Variants in MLIP observed in about 807,000 individuals in gnomAD.
MLIP encodes muscular LMNA-interacting protein.
Under a neutral mutation model 84.8 loss-of-function variants are expected in MLIP, and 79 were observed. The ratio of observed to expected loss-of-function variants is 0.93; its 90% confidence interval spans 0.78 to 1.12. The LOEUF (loss-of-function observed/expected upper bound fraction) is 1.12, where lower values mean the gene tolerates loss of function less well. Among genes scored for constraint, MLIP ranks in the 50% most tolerant of loss-of-function variants. MLIP has a pLI of 0.00. For missense variants in MLIP, 1,257 were observed against 1,160.6 expected (o/e 1.08, Z -1.21); for synonymous variants, 504 against 463.0 (o/e 1.09, Z -1.14).
intron 11 of MLIP, among the ~76,000 whole-genome samples, chr6:54,227,529 C>T (rs746516548): frequency 4.6e-5 from 7 of 152,170 alleles, no homozygotes; most frequent in Middle Eastern, 3.2e-3. Context: ...CACGCCAAAG[C>T]GCATACTGGG....
At position 54,218,815 on chromosome 6, in the gene MLIP, C is replaced by T. The variant is rs573210830; in HGVS notation, c.2719-11899C>T. Among the ~76,000 whole-genome samples the T allele has an allele frequency of 2.0e-5, 3 of 152,046 alleles. No homozygotes were observed. The East Asian group carries it at 5.8e-4, about 30-fold the overall frequency. On this transcript the variant is annotated intron_variant, in intron 11 of 13. Transcript: ENST00000502396. ...ACAGGTGTGAGCCACCACAACTGGCCACATTTTCTTTTTTCAATAATAACC... is the reference window on the plus strand; with the variant it reads ...ACAGGTGTGAGCCACCACAACTGGCTACATTTTCTTTTTTCAATAATAACC...
chr6:54,021,524 A>G (rs1426423199), intron 1 of MLIP, among the ~76,000 whole-genome samples: 1 of 152,196 alleles, frequency 6.6e-6, no homozygotes, highest in Non-Finnish European at 1.5e-5. Flanking sequence ...TCATCAGTTT[A>G]TTACACACAA....
chr6:54,246,071 G>A (rs1002742003), intron 12 of MLIP, among the ~76,000 whole-genome samples: 12 of 152,164 alleles, frequency 7.9e-5, no homozygotes, highest in East Asian at 5.8e-4. Context: ...ATACTCATTC[G>A]CCTTCATATA....
At chr6:54,073,346 A>G (rs1271532383) in intron 1 of MLIP, among the ~76,000 whole-genome samples, 1 of 152,210 alleles carries the variant, frequency 6.6e-6, no homozygotes, top group East Asian at 1.9e-4. Flanking sequence ...AAGTTTACAC[A>G]TTGAATTGGC....
chr6:54,149,267 T>C, intron 5 of MLIP, 140 bp downstream of exon 5: 1 of 758,838 alleles, frequency 1.3e-6, no homozygotes, highest in Non-Finnish European at 2.1e-6. Flanking sequence ...TTTAGGATGA[T>C]GTGGTGAAAA....
intron 10 of MLIP, among the ~76,000 whole-genome samples, chr6:54,199,009 T>C (rs1003021983): frequency 6.6e-6 from 1 of 152,016 alleles, no homozygotes; most frequent in African/African-American, 2.4e-5. Context: ...TGAGAATATT[T>C]AGGATGGCTA....
chr6:54,027,865 C>T (rs768274546), intron 1 of MLIP, among the ~76,000 whole-genome samples: 3 of 152,072 alleles, frequency 2.0e-5, no homozygotes, highest in South Asian at 2.1e-4. Flanking sequence ...TGTGTGATGG[C>T]GAATAACAGA....
chr6:54,260,556 A>T (rs547810742), intron 13 of MLIP, among the ~76,000 whole-genome samples: 1 of 152,114 alleles, frequency 6.6e-6, no homozygotes, highest in African/African-American at 2.4e-5. Flanking sequence ...AGGCCAATCA[A>T]ATAAATCCAT....
intron 1 of MLIP, among the ~76,000 whole-genome samples, chr6:54,057,479 G>C (rs1765727494): frequency 6.6e-6 from 1 of 152,184 alleles, no homozygotes; most frequent in Non-Finnish European, 1.5e-5. Flanking sequence ...CTTATAAAAT[G>C]CTTGCATATT....
At chr6:54,040,927 GGAA>G (rs1764706405) in intron 1 of MLIP, 2 of 152,148 alleles carry the variant, frequency 1.3e-5, no homozygotes, top group Admixed American at 1.3e-4. Flanking sequence ...GTGGGAGAGA[GGAA>G]GAAGGTCAAG....
chr6:54,058,160 T>C (rs899252397), intron 1 of MLIP, among the ~76,000 whole-genome samples: 17 of 149,786 alleles, frequency 1.1e-4, no homozygotes, highest in African/African-American at 3.5e-4. Flanking sequence ...AAAAAAAACA[T>C]GTAGGATAAC....
intron 1 of MLIP, among the ~76,000 whole-genome samples, chr6:54,119,689 G>T (rs1486323634): frequency 6.6e-6 from 1 of 152,114 alleles, no homozygotes; most frequent in Non-Finnish European, 1.5e-5. Flanking sequence ...GATAATAGAT[G>T]TTAAGTGTTC....
At chr6:54,254,742 C>CCCTCCCTTCCTTCCTTCCTTCCTT (rs1554195171) in intron 12 of MLIP, among the ~76,000 whole-genome samples, 8 of 125,024 alleles carry the variant, frequency 6.4e-5, no homozygotes, top group African/African-American at 9.9e-5. Flanking sequence ...TTTTCTCCCT[C>CCCTCCCTTCCTTCCTTCCTTCCTT]CCTTCCTTCC....
At chr6:54,054,540 C>T (rs1479510638) in intron 1 of MLIP, among the ~76,000 whole-genome samples, 7 of 151,680 alleles carry the variant, frequency 4.6e-5, no homozygotes, top group Non-Finnish European at 7.4e-5. Flanking sequence ...TTTTGCAATT[C>T]ACTGAATTTT....
upstream of MLIP, among the ~76,000 whole-genome samples, chr6:54,108,719 CAAG>C (rs1482604834): frequency 6.6e-6 from 1 of 152,038 alleles, no homozygotes; most frequent in African/African-American, 2.4e-5. Context: ...TAAAATGACT[CAAG>C]AAAGAATCTG....
At chr6:54,252,460 CAT>C (rs1309980728) in intron 12 of MLIP, among the ~76,000 whole-genome samples, 5 of 106,692 alleles carry the variant, frequency 4.7e-5, no homozygotes, top group African/African-American at 1.7e-4. Flanking sequence ...TATATTATAA[CAT>C]ATAATATAAA....
chr6:54,026,144 T>C (rs970355877), intron 1 of MLIP, among the ~76,000 whole-genome samples: 1 of 152,206 alleles, frequency 6.6e-6, no homozygotes, highest in African/African-American at 2.4e-5. Flanking sequence ...TTTAGTAAAA[T>C]TAATTAATTT....
intron 11 of MLIP, among the ~76,000 whole-genome samples, chr6:54,228,877 A>G (rs1426027455): frequency 6.6e-6 from 1 of 152,260 alleles, no homozygotes; most frequent in Non-Finnish European, 1.5e-5. Flanking sequence ...CAGTTGTCAT[A>G]TTAATCACTT....
At chr6:54,234,371 CAT>C (rs1393297750) in intron 12 of MLIP, among the ~76,000 whole-genome samples, 87 of 152,110 alleles carry the variant, frequency 5.7e-4, no homozygotes, top group African/African-American at 2.0e-3. Flanking sequence ...TAATGAAAAA[CAT>C]ATAAAAGTTA....
Sources: gnomAD v4.1 joint callset for allele counts (sites outside exome capture counted in the v4.1 genomes callset) on GRCh38, gnomAD v4.1.1 for gene constraint, MANE v1.5 for transcripts, NCBI Gene and HGNC (gene_info 2026-07-23, HGNC 2026-07-21) for gene names.